The following NUP210 variants were observed in gnomAD, a reference collection of about 807,000 sequenced individuals.
NUP210 encodes nuclear pore membrane glycoprotein 210.
NUP210 carries 151 observed loss-of-function variants against 196.0 expected under a neutral mutation model. The ratio of observed to expected loss-of-function variants is 0.77; its 90% CI spans 0.67 to 0.88. The LOEUF is 0.88. Ranked by LOEUF, NUP210 falls within the 40% of genes least tolerant of loss-of-function variation. The pLI is 0.00. For missense variants in NUP210, 2,314 were observed against 2,493.7 expected (o/e 0.93, Z 1.53); for synonymous variants, 1,070 against 1,052.7 (o/e 1.02, Z -0.32).
chr3:13,371,035 A>G (rs71306056), intron 13 of NUP210, among the ~76,000 whole-genome samples: 3 of 152,138 alleles, frequency 2.0e-5, no homozygotes, highest in Non-Finnish European at 4.4e-5. Context: ...CTGCTCACCA[A>G]ATGGTGTCCC....
chr3:13,384,103 C>G (rs1053794678), intron 6 of NUP210, among the ~76,000 whole-genome samples: 3 of 152,160 alleles, frequency 2.0e-5, no homozygotes, highest in African/African-American at 7.2e-5. Flanking sequence ...GCTGGGATTA[C>G]AGGCGTGCGC....
At position 13,388,375 on chromosome 3, in the gene NUP210, G is replaced by A. The variant is rs1445730030; in HGVS notation, c.612C>T (p.Asp204=). The A allele has an allele frequency of 6.2e-7, 1 of 1,612,912 alleles. No homozygotes were observed. Among genetic ancestry groups the A allele is most frequent in the South Asian group, 1.1e-5 (1 of 90,922 alleles). The stretch of plus-strand genomic sequence containing the variant: ...TCTTCATCCCAGACACCAGGATGGT[G>A]TCCCCTTGCTTGGCAGCCTTCTCCA... ...SEMEKAAKQG[D]TILVSGMKTG... is the part of the protein sequence containing the mutation. Residue 204 remains aspartate, a synonymous_variant, in exon 5 of 40, where the codon GAC becomes GAT. Coordinates refer to ENST00000254508, the MANE Select transcript of NUP210 (RefSeq NM_024923.4).
intron 5 of NUP210, among the ~76,000 whole-genome samples, chr3:13,387,540 A>T (rs1288543407): frequency 1.3e-5 from 2 of 152,244 alleles, no homozygotes; most frequent in Admixed American, 1.3e-4. Context: ...AGATGCAGCA[A>T]ACCCACTACA....
intron 18 of NUP210, among the ~76,000 whole-genome samples, chr3:13,352,874 T>C (rs1327563449): frequency 6.6e-6 from 1 of 150,960 alleles, no homozygotes; most frequent in Non-Finnish European, 1.5e-5. Flanking sequence ...AGAGCAGCTC[T>C]CAGGGGAACA....
At position 13,399,619 on chromosome 3, in the gene NUP210, G is replaced by T. The variant is rs999979609; in HGVS notation, c.304+106C>A. On this transcript the variant is annotated intron_variant, in intron 2 of 39. Transcript: ENST00000254508. ...CTGGGTGTCCTGCCACTCAACAAGA[G>T]AAAGCCCTGCCATGGGCTCAGGTAG... 1.9e-4 allele frequency: 287 copies of T among 1,487,018 alleles called. 1 individual carries two copies. Among genetic ancestry groups the T allele is most frequent in the Non-Finnish European group, 2.5e-4 (273 of 1,085,838 alleles). The allele number at this position is 1,487,018 out of a possible 1,614,324, so 92.1% of individuals were successfully genotyped here.
rs879039109 is a variant in NUP210, at chr3:13,375,408, C to T, written c.1431+96G>A. On this transcript the variant is annotated intron_variant, in intron 11 of 39. Coordinates refer to ENST00000254508, the MANE Select transcript of NUP210 (RefSeq NM_024923.4). ...TGTGATTTAAAATTCTCCACAACCACTAGAGAGTAATACTAAAAGTAATAG... is the reference window on the plus strand; with the variant it reads ...TGTGATTTAAAATTCTCCACAACCATTAGAGAGTAATACTAAAAGTAATAG... 2.9e-5 allele frequency: 35 copies of T among 1,203,402 alleles called. No homozygotes were observed. In the South Asian group the frequency reaches 5.2e-4, roughly 18 times the overall value. The allele number at this position is 1,203,402 out of a possible 1,614,324, so 74.5% of individuals were successfully genotyped here.
chr3:13,403,043 A>G (rs529615334), intron 1 of NUP210, among the ~76,000 whole-genome samples: 1 of 152,250 alleles, frequency 6.6e-6, no homozygotes, highest in South Asian at 2.1e-4. Context: ...AGTCCCCTGC[A>G]CTCTGCCTAT....
intron 17 of NUP210, 23 bp from the exon 18 acceptor site, chr3:13,353,683 C>A: frequency 6.2e-7 from 1 of 1,602,858 alleles, no homozygotes. Flanking sequence ...AGAAGGAAGC[C>A]ACCGTTGGAT....
rs200119637 is a variant in NUP210 at position 13,364,269 on chromosome 3, A to T, written c.1932+1677T>A. Among the ~76,000 whole-genome samples, 22 of 152,264 alleles carry T rather than the reference A, an allele frequency of 1.4e-4. No homozygotes were observed. The East Asian group carries it at 4.1e-3, about 28-fold the overall frequency. On this transcript the variant is annotated intron_variant, in intron 14 of 39. Coordinates refer to ENST00000254508, the MANE Select transcript of NUP210 (RefSeq NM_024923.4). ...TGCAACTCTAGGGCCTGCAGAAGGG[A>T]TTGCACAAGTAGGTAGGTATTCATG...
intron 13 of NUP210, among the ~76,000 whole-genome samples, chr3:13,370,613 C>T (rs1698699224): frequency 1.3e-5 from 2 of 152,174 alleles, no homozygotes; most frequent in South Asian, 2.1e-4. Context: ...CGGGCCTCTC[C>T]CACGTGCAAG....
At chr3:13,410,689 G>A (rs1181836030) in intron 1 of NUP210, among the ~76,000 whole-genome samples, 17 of 147,512 alleles carry the variant, frequency 1.2e-4, no homozygotes, top group Middle Eastern at 3.8e-3. Context: ...AGGCCGAGGC[G>A]GGTGGATCAC....
chr3:13,391,798 A>C (rs1449865382), intron 3 of NUP210, among the ~76,000 whole-genome samples: 1 of 151,276 alleles, frequency 6.6e-6, no homozygotes, highest in African/African-American at 2.4e-5. Flanking sequence ...TTGTCTCTTC[A>C]CCTTGACTGT....
At chr3:13,398,046 T>C (rs1699722377) in intron 2 of NUP210, among the ~76,000 whole-genome samples, 1 of 152,204 alleles carries the variant, frequency 6.6e-6, no homozygotes, top group South Asian at 2.1e-4. Flanking sequence ...AGATACAAAA[T>C]TGTTCTGACC....
At position 13,317,276 on chromosome 3, in the gene NUP210, C is replaced by A; in HGVS notation, c.*405G>T. 4.7e-6 allele frequency: 1 copy of A among 212,428 alleles called. No homozygotes were observed. The highest frequency in any genetic ancestry group is 6.3e-5 in the South Asian group (1 of 15,804). The allele number at this position is 212,428 out of a possible 1,614,324, so 13.2% of individuals were successfully genotyped here. A position where few individuals can be genotyped will look rare whatever the true frequency, so the allele number is the denominator to read the frequency against. On this transcript the variant is annotated 3_prime_UTR_variant, in exon 40 of 40. Coordinates refer to ENST00000254508, the MANE Select transcript of NUP210 (RefSeq NM_024923.4). ...CCCTAAAGTAACTGGACAATCCTTT[C>A]CCTGAGACCACTACAGTAACATCAC... is the stretch of plus-strand genomic sequence containing the variant.
chr3:13,345,523 C>T (rs1306186148), intron 20 of NUP210, among the ~76,000 whole-genome samples: 1 of 152,184 alleles, frequency 6.6e-6, no homozygotes, highest in Non-Finnish European at 1.5e-5. Context: ...GAGAAGAGCC[C>T]AAGCCCACAG....
At chr3:13,402,350 G>A (rs552511055) in intron 1 of NUP210, among the ~76,000 whole-genome samples, 1 of 152,202 alleles carries the variant, frequency 6.6e-6, no homozygotes, top group African/African-American at 2.4e-5. Flanking sequence ...TGGGATCTGG[G>A]GTCCTGGTCT....
chr3:13,337,633 G>A (rs892557275), intron 26 of NUP210, among the ~76,000 whole-genome samples: 7 of 152,238 alleles, frequency 4.6e-5, no homozygotes, highest in Admixed American at 2.6e-4. Flanking sequence ...GTGGGAAGGT[G>A]ACAGGCCAGC....
intron 3 of NUP210, among the ~76,000 whole-genome samples, chr3:13,396,794 T>A (rs1266466135): frequency 6.8e-6 from 1 of 147,552 alleles, no homozygotes; most frequent in South Asian, 2.2e-4. Flanking sequence ...TTTCCCTTAC[T>A]TCCTTTAAGA....
intron 13 of NUP210, 34 bp from the exon 14 acceptor site, chr3:13,366,125 A>G: frequency 6.3e-7 from 1 of 1,597,880 alleles, no homozygotes. Flanking sequence ...GGTCACCCTG[A>G]AATCACTTTT....
Sources: allele counts gnomAD v4.1 joint callset (sites outside exome capture counted in the v4.1 genomes callset), GRCh38; gene constraint gnomAD v4.1.1; transcripts MANE v1.5; gene names NCBI Gene and HGNC (gene_info 2026-07-23, HGNC 2026-07-21).